The following BORCS5 variants were observed in gnomAD, a reference collection of about 807,000 sequenced individuals.
BORCS5 encodes the protein BLOC-1 related complex subunit 5.
A neutral mutation model predicts 22.1 loss-of-function variants in BORCS5; 17 were observed. That is an observed-to-expected ratio of 0.77 (90% confidence interval 0.53 to 1.15). The LOEUF is 1.15. BORCS5 is among the 50% of genes most tolerant of loss of function. BORCS5 has a pLI of 0.00. For synonymous variants in BORCS5, 117 were observed against 99.8 expected (o/e 1.17, Z -1.03); for missense variants, 247 against 253.2 (o/e 0.98, Z 0.17).
At chr12:12,382,633 A>G (rs1428910561) in intron 2 of BORCS5, among the ~76,000 whole-genome samples, 1 of 150,198 alleles carries the variant, frequency 6.7e-6, no homozygotes, top group East Asian at 1.9e-4. Context: ...CCTGGGTTCA[A>G]GTGATTTTCC....
chr12:12,367,198 G>A (rs1037697896), intron 2 of BORCS5, among the ~76,000 whole-genome samples: 2 of 152,188 alleles, frequency 1.3e-5, no homozygotes, highest in Non-Finnish European at 2.9e-5. Flanking sequence ...ATGGAAAAAG[G>A]GCGATAAGGA....
intron 2 of BORCS5, among the ~76,000 whole-genome samples, chr12:12,418,253 T>G (rs986650702): frequency 2.6e-5 from 4 of 151,404 alleles, no homozygotes; most frequent in African/African-American, 9.7e-5. Flanking sequence ...GTTGCCAGGA[T>G]GGTCTCAATC....
At chr12:12,375,035 A>G (rs946599366) in intron 2 of BORCS5, among the ~76,000 whole-genome samples, 6 of 150,290 alleles carry the variant, frequency 4.0e-5, no homozygotes, top group African/African-American at 1.5e-4. Context: ...TTTTCTTTTG[A>G]GCTGGAGTCT....
At position 12,435,774 on chromosome 12, in the gene BORCS5, C is replaced by T. The variant is rs779247193; in HGVS notation, c.349C>T (p.Arg117Ter). ...TTTTGACCAGAATGCTTTGGTTAAA[C>T]GAATCAAAGAGGTAATGTGCTGCGG... The part of the protein sequence containing the change: ...VAFDQNALVK[R>*]IKEMDLSVET... The change falls in exon 3 of 4, where the codon CGA becomes TGA. Residue 117 changes from arginine to a stop codon, truncating the protein, a stop_gained. Coordinates refer to ENST00000314565, the MANE Select transcript of BORCS5 (RefSeq NM_058169.6). LOFTEE classifies it high-confidence loss of function. The T allele has an allele frequency of 4.3e-6, 7 of 1,611,968 alleles. No homozygotes were observed. The highest frequency in any genetic ancestry group is 2.2e-5 in the South Asian group (2 of 90,532).
intron 3 of BORCS5, among the ~76,000 whole-genome samples, chr12:12,453,065 C>T (rs1339565456): frequency 6.6e-6 from 1 of 152,016 alleles, no homozygotes; most frequent in Admixed American, 6.5e-5. Context: ...ACACAAGCAC[C>T]GGGTTTGCAA....
chr12:12,382,842 CT>C (rs549114758), intron 2 of BORCS5, among the ~76,000 whole-genome samples: 1 of 150,926 alleles, frequency 6.6e-6, no homozygotes, highest in African/African-American at 2.4e-5. Flanking sequence ...GGGTATGTAT[CT>C]TTTTTTATCT....
At chr12:12,422,795 A>G (rs372506473) in intron 2 of BORCS5, among the ~76,000 whole-genome samples, 11 of 152,062 alleles carry the variant, frequency 7.2e-5, no homozygotes, top group Admixed American at 7.2e-4. Flanking sequence ...TAATGCAGTA[A>G]TCTCTCAAAT....
chr12:12,460,391 T>C (rs1565938765), intron 3 of BORCS5, among the ~76,000 whole-genome samples: 6 of 152,260 alleles, frequency 3.9e-5, no homozygotes, highest in Non-Finnish European at 8.8e-5. Flanking sequence ...TAGTAGTTTT[T>C]AGTAGATTTT....
rs1463406387 is a variant in BORCS5 at position 12,471,055 on chromosome 12, A to G, written c.*5279A>G. On this transcript the variant is annotated 3_prime_UTR_variant, in exon 4 of 4. Transcript: ENST00000314565. Reference sequence around the variant, plus strand: ...CACAGACCATTACTGAATGCTCTTCAGGTTACCCTATTTGCCTGTCACATT... The same window carrying G: ...CACAGACCATTACTGAATGCTCTTCGGGTTACCCTATTTGCCTGTCACATT... Among the ~76,000 whole-genome samples the G allele has an allele frequency of 6.6e-6, 1 of 152,234 alleles. No individual in the cohort carries two copies. Among genetic ancestry groups the G allele is most frequent in the African/African-American group, 2.4e-5 (1 of 41,462 alleles).
In BORCS5 at chr12:12,357,130, C is replaced by G; in HGVS notation, c.-322C>G. 1.3e-6 allele frequency: 2 copies of G among 1,533,694 alleles called. No individual in the cohort carries two copies. The highest frequency in any genetic ancestry group is 1.7e-6 in the Non-Finnish European group (2 of 1,145,902). On this transcript the variant is annotated 5_prime_UTR_variant, in exon 1 of 4. Transcript: ENST00000314565. The stretch of plus-strand genomic sequence containing the variant: ...CGGAGCGTGAACCAGTGAGTGAAAG[C>G]GGCGCCGCCCGCCGGCCGCAGGTGC...
chr12:12,366,050 G>T (rs1184861120), intron 2 of BORCS5, among the ~76,000 whole-genome samples: 2 of 152,098 alleles, frequency 1.3e-5, no homozygotes, highest in Non-Finnish European at 2.9e-5. Flanking sequence ...CTGCCTGCTG[G>T]GCTGCTGCAG....
rs1247645574 is a variant in BORCS5 at position 12,361,360 on chromosome 12, G to A, written c.202+11G>A. 1 of 1,611,738 alleles carries A rather than the reference G, an allele frequency of 6.2e-7. No homozygotes were observed. The highest frequency in any genetic ancestry group is 8.5e-7 in the Non-Finnish European group (1 of 1,178,002). ...AGCCCCTTTTGAAAGGTAAAGGATT[G>A]CGTTTTGTTTTATCTGAACTTGCTG... On this transcript the variant is annotated intron_variant, in intron 2 of 3. Coordinates refer to ENST00000314565, the MANE Select transcript of BORCS5 (RefSeq NM_058169.6).
intron 3 of BORCS5, chr12:12,452,022 C>A: frequency 3.0e-6 from 1 of 335,804 alleles, no homozygotes. Context: ...AAGAGCAAAA[C>A]TTGACTGTCC....
In BORCS5 at chr12:12,372,255, G is replaced by A. The variant is rs768656577; in HGVS notation, c.202+10906G>A. 3.9e-4 allele frequency among the ~76,000 whole-genome samples: 60 copies of A among 152,170 alleles called. 1 individual carries two copies. The highest frequency in any genetic ancestry group is 1.0e-4 in the Non-Finnish European group (7 of 68,028). On this transcript the variant is annotated intron_variant, in intron 2 of 3. Transcript: ENST00000314565. ...GGGTTTCGCCATGTTGGCCAGGCTG[G>A]TCTTGAACTCCTGACCTCAGGTGAT...
rs180950293 is a variant in BORCS5 at position 12,376,326 on chromosome 12, T to C, written c.202+14977T>C. Among the ~76,000 whole-genome samples the C allele has an allele frequency of 8.2e-3, 1,243 of 151,486 alleles. 21 individuals are homozygous for C. The highest frequency in any genetic ancestry group is 0.028 in the African/African-American group (1,141 of 41,198). On this transcript the variant is annotated intron_variant, in intron 2 of 3. Transcript: ENST00000314565. ...TCAGCTCACTGCAAGCTCTGCCTCC[T>C]GGGTTCACGCCATTCTCCTGCCTCA...
At chr12:12,360,339 C>T (rs775547937) in intron 1 of BORCS5, among the ~76,000 whole-genome samples, 13 of 152,096 alleles carry the variant, frequency 8.5e-5, no homozygotes, top group East Asian at 3.9e-4. Flanking sequence ...TCCAACCTGG[C>T]GACAGAGCGA....
chr12:12,415,119 G>C lies in BORCS5; in HGVS notation c.203-20509G>C, dbSNP rs1370669253. Among the ~76,000 whole-genome samples, 3 of 151,832 alleles carry C rather than the reference G, an allele frequency of 2.0e-5. No individual in the cohort carries two copies. In the East Asian group the frequency reaches 5.9e-4, roughly 30 times the overall value. ...ATCCCAGACGATGGGGGGCCAGGCA[G>C]AGACGCTCCTCACTTCCCAGACGGG... On this transcript the variant is annotated intron_variant, in intron 2 of 3. Coordinates refer to ENST00000314565, the MANE Select transcript of BORCS5 (RefSeq NM_058169.6).
At chr12:12,374,975 A>G (rs976483233) in intron 2 of BORCS5, among the ~76,000 whole-genome samples, 5 of 151,580 alleles carry the variant, frequency 3.3e-5, no homozygotes, top group African/African-American at 1.2e-4. Flanking sequence ...AAAAATTATT[A>G]ACCAAGTTTG....
intron 3 of BORCS5, among the ~76,000 whole-genome samples, chr12:12,444,455 C>G (rs976884943): frequency 6.6e-6 from 1 of 152,170 alleles, no homozygotes; most frequent in African/African-American, 2.4e-5. Context: ...AAAGAGTGGA[C>G]TAGCACAGTT....
Sources: allele counts gnomAD v4.1 joint callset (sites outside exome capture counted in the v4.1 genomes callset), GRCh38; gene constraint gnomAD v4.1.1; transcripts MANE v1.5; gene names NCBI Gene and HGNC (gene_info 2026-07-23, HGNC 2026-07-21).